DIPK1A: variants seen among roughly 807,000 people sequenced by gnomAD.
The protein encoded by DIPK1A is family with sequence similarity 69 member A.
In DIPK1A, 27 loss-of-function variants were observed where a neutral mutation model predicts 40.8. That is an observed-to-expected ratio of 0.66 (90% CI 0.49 to 0.91). DIPK1A has a LOEUF of 0.91. DIPK1A is among the 40% of genes least tolerant of loss of function. DIPK1A has a pLI of 0.00. For synonymous variants in DIPK1A, 166 were observed against 171.3 expected (o/e 0.97, Z 0.24); for missense variants, 412 against 505.7 (o/e 0.81, Z 1.78).
chr1:92,845,404 C>A, intron 4 of DIPK1A: 1 of 245,158 alleles, frequency 4.1e-6, no homozygotes, highest in South Asian at 3.8e-5. Flanking sequence ...CACAATTGCT[C>A]AAGCCAGTAA....
At chr1:92,895,272 T>C (rs906360550) in intron 1 of DIPK1A, among the ~76,000 whole-genome samples, 19 of 152,002 alleles carry the variant, frequency 1.2e-4, no homozygotes, top group African/African-American at 3.4e-4. Flanking sequence ...ACTGGCAAAC[T>C]GAATCCAGCA....
downstream of DIPK1A, among the ~76,000 whole-genome samples, chr1:92,841,549 T>C (rs1305746628): frequency 6.6e-6 from 1 of 152,194 alleles, no homozygotes; most frequent in Non-Finnish European, 1.5e-5. Flanking sequence ...TATTTGACTT[T>C]TGGCCCTATG....
At chr1:92,939,120 T>G (rs1651056248) in intron 1 of DIPK1A, among the ~76,000 whole-genome samples, 1 of 152,182 alleles carries the variant, frequency 6.6e-6, no homozygotes, top group South Asian at 2.1e-4. Flanking sequence ...CAGACTGGTC[T>G]CGAACTCCTG....
chr1:92,843,247 A>G lies in DIPK1A; in HGVS notation c.*136T>C. 3.5e-6 allele frequency: 5 copies of G among 1,440,236 alleles called. 1 individual carries two copies. The highest frequency in any genetic ancestry group is 3.1e-5 in the South Asian group (2 of 64,092). 89.2% of individuals were successfully genotyped at this position (1,440,236 alleles called of 1,614,324 possible). A position where few individuals can be genotyped will look rare whatever the true frequency, so the allele number is the denominator to read the frequency against. On this transcript the variant is annotated 3_prime_UTR_variant, in exon 5 of 5. Transcript: ENST00000370310. ...CACCTGCCATTACTTCAGTGATCAC[A>G]TACTGATGGCTTCTCAGGCCTGGGG... is the stretch of plus-strand genomic sequence containing the variant.
At chr1:92,925,553 G>A (rs1434780362) in intron 1 of DIPK1A, among the ~76,000 whole-genome samples, 1 of 152,092 alleles carries the variant, frequency 6.6e-6, no homozygotes, top group East Asian at 1.9e-4. Context: ...GAGTGCAGGG[G>A]TACGATCTCG....
exon 5 of DIPK1A, chr1:92,833,026 G>T: frequency 1.3e-6 from 1 of 741,858 alleles, no homozygotes; most frequent in South Asian, 1.4e-5. Context: ...ACAATTACCG[G>T]TGCTGGTCCT....
intron 1 of DIPK1A, among the ~76,000 whole-genome samples, chr1:92,878,237 G>C (rs1648211788): frequency 6.6e-6 from 1 of 152,124 alleles, no homozygotes; most frequent in South Asian, 2.1e-4. Context: ...AAAAGGCAAG[G>C]GGAAACTTAA....
chr1:92,833,884 T>C (rs969010102), intron 4 of DIPK1A: 9 of 539,800 alleles, frequency 1.7e-5, no homozygotes, highest in East Asian at 9.9e-5. Flanking sequence ...TTCGGGAAGA[T>C]TGCTTGAGCC....
intron 1 of DIPK1A, among the ~76,000 whole-genome samples, chr1:92,916,830 T>C (rs1650073613): frequency 6.6e-6 from 1 of 152,188 alleles, no homozygotes; most frequent in Non-Finnish European, 1.5e-5. Flanking sequence ...GAGTTCTTCC[T>C]TCTTTTTGCT....
At chr1:92,879,962 A>G (rs1648296144) in intron 1 of DIPK1A, among the ~76,000 whole-genome samples, 1 of 152,198 alleles carries the variant, frequency 6.6e-6, no homozygotes, top group Non-Finnish European at 1.5e-5. Flanking sequence ...TTGTTCCTGA[A>G]AAGCATGATA....
At chr1:92,882,975 A>G (rs908389407) in intron 1 of DIPK1A, among the ~76,000 whole-genome samples, 1 of 152,244 alleles carries the variant, frequency 6.6e-6, no homozygotes, top group East Asian at 1.9e-4. Context: ...CGGTTGTGCC[A>G]GGAGGAAGTC....
intron 1 of DIPK1A, among the ~76,000 whole-genome samples, chr1:92,955,436 C>T (rs376442599): frequency 1.3e-5 from 2 of 151,688 alleles, no homozygotes; most frequent in African/African-American, 2.4e-5. Context: ...CGGTGGCTCA[C>T]GCCTGTAATC....
At chr1:92,852,207 A>G (rs1687845226) in intron 2 of DIPK1A, among the ~76,000 whole-genome samples, 1 of 152,212 alleles carries the variant, frequency 6.6e-6, no homozygotes, top group South Asian at 2.1e-4. Flanking sequence ...CAGATAAAAA[A>G]AATTTTCTAG....
rs189314309 is a variant in DIPK1A at position 92,941,053 on chromosome 1, A to G, written c.54+20323T>C. Among the ~76,000 whole-genome samples the G allele has an allele frequency of 6.0e-3, 866 of 144,930 alleles. 8 individuals carry two copies. Among genetic ancestry groups the G allele is most frequent in the Non-Finnish European group, 7.3e-3 (475 of 65,092 alleles). The stretch of plus-strand genomic sequence containing the variant: ...ATGTGATTTGCAAATATTTTCTCCC[A>G]GTCTGTAGCTTGTCTTTTCATCTTT... On this transcript the variant is annotated intron_variant, in intron 1 of 4. Transcript: ENST00000370310.
At position 92,868,965 on chromosome 1, in the gene DIPK1A, T is replaced by TAAA. The variant is rs33962424; in HGVS notation, c.189+7328_189+7330dup. ...TGTGTGACAGAGTGAGACTCAATCT[T>TAAA]AAAAAAAAAAAAAGCTCCTAAGGCA... On this transcript the variant is annotated intron_variant, in intron 2 of 4. Transcript: ENST00000370310. 2.7e-3 allele frequency among the ~76,000 whole-genome samples: 365 copies of TAAA among 136,640 alleles called. 12 individuals are homozygous for TAAA. Among genetic ancestry groups the TAAA allele is most frequent in the South Asian group, 8.5e-3 (36 of 4,232 alleles). 89.6% of individuals were successfully genotyped at this position (136,640 alleles called of 152,430 possible). A position where few individuals can be genotyped will look rare whatever the true frequency, so the allele number is the denominator to read the frequency against.
At chr1:92,841,828 G>A (rs921998577), downstream of DIPK1A, 1 of 1,611,770 alleles carries the variant, frequency 6.2e-7, no homozygotes, top group Non-Finnish European at 8.5e-7. Flanking sequence ...AAGAAGGCAA[G>A]CTTCCTCAGA....
intron 1 of DIPK1A, among the ~76,000 whole-genome samples, chr1:92,878,765 G>A (rs1648243700): frequency 6.6e-6 from 1 of 152,052 alleles, no homozygotes; most frequent in Non-Finnish European, 1.5e-5. Context: ...AGCCTGCAGT[G>A]AGCCGAGATC....
intron 1 of DIPK1A, among the ~76,000 whole-genome samples, chr1:92,878,748 G>C (rs1648242567): frequency 6.6e-6 from 1 of 152,104 alleles, no homozygotes; most frequent in Non-Finnish European, 1.5e-5. Flanking sequence ...TGAACCCCGG[G>C]GGGCGGAGCC....
intron 1 of DIPK1A, among the ~76,000 whole-genome samples, chr1:92,897,499 C>T (rs977457583): frequency 1.3e-5 from 2 of 151,888 alleles, no homozygotes; most frequent in African/African-American, 4.8e-5. Flanking sequence ...CACACCGGGG[C>T]CTGTTGTGGG....
Sources: allele counts gnomAD v4.1 joint callset (sites outside exome capture counted in the v4.1 genomes callset), GRCh38; gene constraint gnomAD v4.1.1; transcripts MANE v1.5; gene names NCBI Gene and HGNC (gene_info 2026-07-23, HGNC 2026-07-21).